Variants in PDE9A observed in about 807,000 individuals in gnomAD.
PDE9A encodes phosphodiesterase 9A, also known as high affinity cGMP-specific 3',5'-cyclic phosphodiesterase 9A.
In PDE9A, 60 loss-of-function variants were observed where a neutral mutation model predicts 87.4. The observed-to-expected ratio is 0.69, with a 90% CI of 0.56 to 0.85. The LOEUF (loss-of-function observed/expected upper bound fraction) is 0.85. Among genes scored for constraint, PDE9A ranks in the 40% least tolerant of loss-of-function variants. The pLI is 0.00. For synonymous variants in PDE9A, 272 were observed against 279.4 expected (o/e 0.97, Z 0.27); for missense variants, 665 against 779.0 (o/e 0.85, Z 1.74).
At position 42,692,850 on chromosome 21, in the gene PDE9A, C is replaced by T. The variant is rs2059929793; in HGVS notation, c.218+4856C>T. Reference sequence around the variant, plus strand: ...CCATCCTCAGAGATGTGCTTCGGGGCCCGCACGCCTTGCTCCTCGCACTCT... The same window carrying T: ...CCATCCTCAGAGATGTGCTTCGGGGTCCGCACGCCTTGCTCCTCGCACTCT... On this transcript the variant is annotated intron_variant, in intron 3 of 19. Transcript: ENST00000291539. This position sits in a 1 kb window ranked among gnomAD's most constrained non-coding sequence, Gnocchi z 4.3. Among the ~76,000 whole-genome samples the T allele has an allele frequency of 6.6e-6, 1 of 152,194 alleles. No individual in the cohort carries two copies.
intron 4 of PDE9A, among the ~76,000 whole-genome samples, chr21:42,707,435 A>G (rs867836413): frequency 2.6e-4 from 40 of 152,344 alleles, no homozygotes; most frequent in African/African-American, 8.2e-4. Flanking sequence ...GCTGAAGGAC[A>G]GGTGCCCAGC....
intron 9 of PDE9A, among the ~76,000 whole-genome samples, chr21:42,752,960 A>G (rs1024649063): frequency 5.3e-5 from 8 of 152,130 alleles, no homozygotes; most frequent in African/African-American, 1.7e-4. Flanking sequence ...GTGGTATCTG[A>G]ATTTATGCCA....
chr21:42,731,736 T>C (rs2051777560), intron 4 of PDE9A, 34 bp from the exon 5 acceptor site: 1 of 1,590,296 alleles, frequency 6.3e-7, no homozygotes, highest in Admixed American at 1.8e-5. Flanking sequence ...AAACTTCCCA[T>C]ATTTGGAAAC....
At chr21:42,709,120 C>A (rs2049077332) in intron 4 of PDE9A, among the ~76,000 whole-genome samples, 1 of 152,110 alleles carries the variant, frequency 6.6e-6, no homozygotes, top group South Asian at 2.1e-4. Flanking sequence ...TACTATGCAG[C>A]CATAAAAAGG....
intron 15 of PDE9A, among the ~76,000 whole-genome samples, chr21:42,765,920 C>T (rs759471777): frequency 6.6e-6 from 1 of 152,206 alleles, no homozygotes; most frequent in African/African-American, 2.4e-5. Flanking sequence ...CATAGCCCAG[C>T]ACCCCTCCAT....
chr21:42,659,519 G>A lies in PDE9A; in HGVS notation c.69+5636G>A, dbSNP rs1389534255. 6.6e-6 allele frequency among the ~76,000 whole-genome samples: 1 copy of A among 152,212 alleles called. No homozygotes were observed. The highest frequency in any genetic ancestry group is 1.5e-5 in the Non-Finnish European group (1 of 68,026). On this transcript the variant is annotated intron_variant, in intron 1 of 19. Coordinates refer to ENST00000291539, the MANE Select transcript of PDE9A (RefSeq NM_002606.3). This position sits in a 1 kb window ranked among gnomAD's most constrained non-coding sequence, Gnocchi z 4.1. ...GCGGAGCAATGGGGTGAAGTTTCCA[G>A]AGCAGGGCAGGGCATGTGGGGAGGC...
Position 42,723,854 on chromosome 21 carries a change from A to G in PDE9A, c.263-7916A>G, listed in dbSNP as rs1199591642. On this transcript the variant is annotated intron_variant, in intron 4 of 19. Coordinates refer to ENST00000291539, the MANE Select transcript of PDE9A (RefSeq NM_002606.3). The surrounding 1 kb of genome is among the most constrained non-coding windows in gnomAD (Gnocchi z 4.3). Reference sequence around the variant, plus strand: ...CTGTGAATTACCAGCATCCCAGGCCATTGCTGGGTTTTCTTAAAACTATTA... The same window carrying G: ...CTGTGAATTACCAGCATCCCAGGCCGTTGCTGGGTTTTCTTAAAACTATTA... Among the ~76,000 whole-genome samples, 1 of 152,206 alleles carries G rather than the reference A, an allele frequency of 6.6e-6. No individual in the cohort carries two copies. Among genetic ancestry groups the G allele is most frequent in the African/African-American group, 2.4e-5 (1 of 41,452 alleles).
chr21:42,687,896 G>C (rs1444736145), intron 2 of PDE9A, 21 bp from the exon 3 acceptor site: 4 of 1,609,080 alleles, frequency 2.5e-6, no homozygotes, highest in African/African-American at 1.3e-5. Context: ...GCGAAAACAC[G>C]GGCTTGGGTG....
At chr21:42,663,340 CCA>C (rs1447741343) in intron 1 of PDE9A, among the ~76,000 whole-genome samples, 1 of 151,914 alleles carries the variant, frequency 6.6e-6, no homozygotes, top group Non-Finnish European at 1.5e-5. Flanking sequence ...TGCACACACA[CCA>C]CACACGCACA....
intron 15 of PDE9A, chr21:42,765,763 G>A (rs1255012789): frequency 2.5e-5 from 11 of 446,042 alleles, no homozygotes; most frequent in South Asian, 1.5e-4. Flanking sequence ...GGTGAAGGCC[G>A]TGCATCTCGC....
chr21:42,654,084 G>GGGGGGTGGGGGGT (rs1282777819), intron 1 of PDE9A, among the ~76,000 whole-genome samples: 10 of 112,410 alleles, frequency 8.9e-5, no homozygotes, highest in African/African-American at 2.6e-4. Flanking sequence ...GGTGGGGGGT[G>GGGGGGTGGGGGGT]GGGGGGCGGG....
At chr21:42,654,564 T>TC (rs1355980635) in intron 1 of PDE9A, among the ~76,000 whole-genome samples, 1 of 151,980 alleles carries the variant, frequency 6.6e-6, no homozygotes, top group African/African-American at 2.4e-5. Flanking sequence ...TCTCATGAGC[T>TC]CCCCCTAAAG....
intron 1 of PDE9A, among the ~76,000 whole-genome samples, chr21:42,667,122 G>C (rs183644581): frequency 8.5e-4 from 130 of 152,260 alleles, no homozygotes; most frequent in African/African-American, 2.8e-3. Flanking sequence ...GGGCCATGCT[G>C]GCGAAACAGC....
Position 42,754,658 on chromosome 21 carries a change from G to A in PDE9A, c.810+594G>A, listed in dbSNP as rs558672795. Among the ~76,000 whole-genome samples, 6 of 152,288 alleles carry A rather than the reference G, an allele frequency of 3.9e-5. No individual in the cohort carries two copies. The East Asian group carries it at 9.6e-4, about 24-fold the overall frequency. On this transcript the variant is annotated intron_variant, in intron 10 of 19. Transcript: ENST00000291539. Reference sequence around the variant, plus strand: ...CACCCTGAATTGTCATAATCCCCACGTGTCAAGGGCAGGGCCAGGTGGAGA... The same window carrying A: ...CACCCTGAATTGTCATAATCCCCACATGTCAAGGGCAGGGCCAGGTGGAGA...
intron 4 of PDE9A, among the ~76,000 whole-genome samples, chr21:42,716,217 A>C (rs930809777): frequency 2.6e-5 from 4 of 151,820 alleles, no homozygotes; most frequent in Admixed American, 6.6e-5. Context: ...TTTTGTGTGC[A>C]CATAAGATTT....
At position 42,739,119 on chromosome 21, in the gene PDE9A, G is replaced by A. The variant is rs762817300; in HGVS notation, c.569-4657G>A. On this transcript the variant is annotated intron_variant, in intron 7 of 19. Transcript: ENST00000291539. This position sits in a 1 kb window ranked among gnomAD's most constrained non-coding sequence, Gnocchi z 4.1. ...CGTGGGCTGGGCTCCCAGCCCCCTA[G>A]CAGGGTCCAGTGGGCCAGGGAGCCT... is the stretch of plus-strand genomic sequence containing the variant. Among the ~76,000 whole-genome samples, 23 of 152,220 alleles carry A rather than the reference G, an allele frequency of 1.5e-4. No homozygotes were observed. Among genetic ancestry groups the A allele is most frequent in the Non-Finnish European group, 3.4e-4 (23 of 68,026 alleles).
chr21:42,746,658 G>C (rs947547945), intron 8 of PDE9A, among the ~76,000 whole-genome samples: 1 of 152,204 alleles, frequency 6.6e-6, no homozygotes, highest in Non-Finnish European at 1.5e-5. Flanking sequence ...ACAACTTTTG[G>C]GGGGAGATGT....
At chr21:42,667,338 G>A (rs2058074665) in intron 1 of PDE9A, among the ~76,000 whole-genome samples, 1 of 152,170 alleles carries the variant, frequency 6.6e-6, no homozygotes, top group Admixed American at 6.5e-5. Flanking sequence ...GTACAGACCA[G>A]GGAACAGGGT....
intron 4 of PDE9A, among the ~76,000 whole-genome samples, chr21:42,717,989 G>T (rs542318320): frequency 1.3e-5 from 2 of 151,116 alleles, no homozygotes; most frequent in Non-Finnish European, 3.0e-5. Context: ...GTGCGATCTC[G>T]GCTCACTGCA....
Sources: allele counts gnomAD v4.1 joint callset (sites outside exome capture counted in the v4.1 genomes callset), GRCh38; gene constraint gnomAD v4.1.1; non-coding constraint Gnocchi (gnomAD v3.1); transcripts MANE v1.5; gene names NCBI Gene and HGNC (gene_info 2026-07-23, HGNC 2026-07-21).